The following ABR variants were observed in gnomAD, a reference collection of about 807,000 sequenced individuals.
The protein encoded by ABR is ABR activator of RhoGEF and GTPase, also known as active breakpoint cluster region-related protein.
Under a neutral mutation model 107.2 loss-of-function variants are expected in ABR, and 35 were observed. The observed-to-expected ratio is 0.33, with a 90% CI of 0.25 to 0.43. ABR has a LOEUF of 0.43. ABR is among the 20% of genes least tolerant of loss of function. ABR has a pLI of 1.00. For missense variants in ABR, 815 were observed against 1,115.2 expected, an observed-to-expected ratio of 0.73 and a Z score of 3.83; for synonymous variants, 498 against 462.0, an observed-to-expected ratio of 1.08 and a Z score of -1.00.
Position 1,067,222 on chromosome 17 carries a change from C to T in ABR, c.1037G>A (p.Cys346Tyr). The T allele has an allele frequency of 6.2e-7, 1 of 1,603,276 alleles. No individual in the cohort carries two copies. The highest frequency in any genetic ancestry group is 8.5e-7 in the Non-Finnish European group (1 of 1,175,060). The change falls in exon 10 of 23, where the codon TGT becomes TAT. Residue 346 changes from cysteine to tyrosine, a missense_variant. Cys to Tyr is a radical substitution (Grantham distance 194). Transcript: ENST00000302538. Reference protein sequence around the residue: ...TSAGKHQQYDCKWYIPLADLV... With the variant: ...TSAGKHQQYDYKWYIPLADLV... ...GTCGGCCAGGGGGATGTACCACTTA[C>T]AGTCATACTGCTGGTGCTTCCTGCA... is the stretch of plus-strand genomic sequence containing the variant.
rs760566282 is a variant in ABR, at chr17:1,125,407, C to T, written c.62-40G>A. The T allele has an allele frequency of 6.9e-6, 11 of 1,605,534 alleles. 2 individuals carry two copies. The South Asian group carries it at 1.2e-4, about 18-fold the overall frequency. On this transcript the variant is annotated intron_variant, in intron 1 of 22. Transcript: ENST00000302538. The stretch of plus-strand genomic sequence containing the variant: ...AAGAAAGGCCACTGAGAATCCTCCA[C>T]CAGAGCTGCCAGGGACTGGTAGCGT...
In ABR at chr17:1,051,891, T is replaced by C. The variant is rs1442070120; in HGVS notation, c.1562-1257A>G. Among the ~76,000 whole-genome samples, 1 of 151,968 alleles carries C rather than the reference T, an allele frequency of 6.6e-6. No individual in the cohort carries two copies. Among genetic ancestry groups the C allele is most frequent in the Non-Finnish European group, 1.5e-5 (1 of 67,998 alleles). On this transcript the variant is annotated intron_variant, in intron 14 of 22. Transcript: ENST00000302538. The surrounding 1 kb of genome is among the most constrained non-coding windows in gnomAD (Gnocchi z 4.3). ...GAGTTTGAGACCAGCCTGACCAACA[T>C]GGTGAAACCCCATCTCTACTAAAAA...
intron 1 of ABR, chr17:1,125,626 A>G (rs868434414): frequency 1.4e-5 from 5 of 360,822 alleles, no homozygotes; most frequent in Non-Finnish European, 2.0e-5. Flanking sequence ...GATGAAGAGC[A>G]TGTCAGCCGC....
intron 1 of ABR, among the ~76,000 whole-genome samples, chr17:1,130,158 T>A (rs115731958): frequency 6.6e-6 from 1 of 152,128 alleles, no homozygotes; most frequent in African/African-American, 2.4e-5. Context: ...TGGCAGGGAC[T>A]GGTACTCGCC....
chr17:1,212,687 T>C (rs976965397), intron 1 of ABR, among the ~76,000 whole-genome samples: 30 of 152,158 alleles, frequency 2.0e-4, no homozygotes, highest in African/African-American at 6.0e-4. Flanking sequence ...GTCGGGAGTT[T>C]GAGACCAGCC....
chr17:1,153,855 G>T (rs1055095614), intron 1 of ABR: 1 of 209,680 alleles, frequency 4.8e-6, no homozygotes, highest in Non-Finnish European at 9.8e-6. Context: ...CCTGTCACAC[G>T]CATCACATGG....
intron 16 of ABR, among the ~76,000 whole-genome samples, chr17:1,016,752 G>C (rs2071198312): frequency 6.6e-6 from 1 of 152,112 alleles, no homozygotes; most frequent in South Asian, 2.1e-4. Flanking sequence ...TCAGGCAGAT[G>C]GCTTTCTGGC....
chr17:1,200,701 C>T lies in ABR; in HGVS notation c.838+28092G>A, dbSNP rs1426600775. 6.6e-6 allele frequency among the ~76,000 whole-genome samples: 1 copy of T among 152,122 alleles called. No homozygotes were observed. Among genetic ancestry groups the T allele is most frequent in the African/African-American group, 2.4e-5 (1 of 41,422 alleles). On this transcript the variant is annotated intron_variant, in intron 1 of 22. Coordinates refer to the ABR transcript ENST00000574139. This position sits in a 1 kb window ranked among gnomAD's most constrained non-coding sequence, Gnocchi z 4.1. ...GTGGTGCAGACACAAAGATGGATCC[C>T]CAGGTGGAAACCCGGGCACGTCATC...
chr17:1,145,614 A>G (rs2040494945), intron 1 of ABR, among the ~76,000 whole-genome samples: 4 of 152,202 alleles, frequency 2.6e-5, no homozygotes, highest in Admixed American at 2.6e-4. Flanking sequence ...TAGGGTATTT[A>G]TGAAAAATTA....
intron 2 of ABR, among the ~76,000 whole-genome samples, chr17:1,109,262 C>T (rs1341642875): frequency 2.0e-5 from 3 of 151,890 alleles, no homozygotes; most frequent in Non-Finnish European, 4.4e-5. Flanking sequence ...CCTCGCGCGT[C>T]CTCGCCCGGC....
chr17:1,161,747 G>C (rs927136107), intron 1 of ABR, among the ~76,000 whole-genome samples: 3 of 151,936 alleles, frequency 2.0e-5, no homozygotes, highest in Non-Finnish European at 4.4e-5. Flanking sequence ...TAGAGACAGG[G>C]TTTCACCATG....
chr17:1,012,791 CT>C lies in ABR; in HGVS notation c.1857del (p.Val620TrpfsTer5). The C allele has an allele frequency of 6.3e-7, 1 of 1,581,858 alleles. No individual in the cohort carries two copies. Among genetic ancestry groups the C allele is most frequent in the Non-Finnish European group, 8.6e-7 (1 of 1,162,642 alleles). ...CTGGTGAATTTCATGGAAAATTCCA[CT>C]TTGATCTGGTTGGGGGGTGAGGCAG... ...HTDVIEMNGI[K>X]VEFSMKFTSR... On this transcript the variant is annotated frameshift_variant, in exon 18 of 23. Transcript: ENST00000302538. LOFTEE classifies it high-confidence loss of function.
intron 5 of ABR, 131 bp downstream of exon 5, chr17:1,083,389 A>G (rs893208831): frequency 2.1e-6 from 1 of 483,052 alleles, no homozygotes; most frequent in Non-Finnish European, 3.8e-6. Context: ...AAGAAAGCAA[A>G]TATCAGGCTA....
chr17:1,057,009 C>T lies in ABR; in HGVS notation c.1475G>A (p.Ser492Asn). The T allele has an allele frequency of 1.2e-6, 2 of 1,607,456 alleles. No homozygotes were observed. The highest frequency in any genetic ancestry group is 1.3e-5 in the African/African-American group (1 of 74,932). ...LRTVHNIPVT[S>N]NKDDDESPGL... Reference sequence around the variant, plus strand: ...GTTCCCGAGCTTACCGTCTTTATTGCTGGTGACAGGAATGTTGTGTACAGT... The same window carrying T: ...GTTCCCGAGCTTACCGTCTTTATTGTTGGTGACAGGAATGTTGTGTACAGT... The change falls in exon 13 of 23, where the codon AGC becomes AAC. Residue 492 changes from serine (S) to asparagine (N), a missense_variant. This residue lies in a region of ABR where 385 missense variants were observed against 596.9 expected (regional missense o/e 0.64). Transcript: ENST00000302538.
intron 2 of ABR, among the ~76,000 whole-genome samples, chr17:1,110,419 C>T (rs574015309): frequency 7.2e-5 from 11 of 152,336 alleles, no homozygotes; most frequent in African/African-American, 2.6e-4. Flanking sequence ...GAAACCACCA[C>T]TCACTCCAGC....
chr17:1,137,272 G>A (rs1268600735), intron 1 of ABR, among the ~76,000 whole-genome samples: 1 of 152,128 alleles, frequency 6.6e-6, no homozygotes, highest in Non-Finnish European at 1.5e-5. Flanking sequence ...TTGAACTCCT[G>A]ACCTCGTGAT....
rs1156837005 is a variant in ABR at position 1,063,559 on chromosome 17, T to C, written c.1182+3518A>G. ...GGGCTATGCATGTTCCTCTAGACACTGTTATGTGAACTGAGGGCTATGCAT... is the reference window on the plus strand; with the variant it reads ...GGGCTATGCATGTTCCTCTAGACACCGTTATGTGAACTGAGGGCTATGCAT... On this transcript the variant is annotated intron_variant, in intron 10 of 22. Coordinates refer to ENST00000302538, the MANE Select transcript of ABR (RefSeq NM_021962.5). 3.8e-5 allele frequency among the ~76,000 whole-genome samples: 3 copies of C among 78,410 alleles called. 1 individual carries two copies. The highest frequency in any genetic ancestry group is 1.4e-4 in the African/African-American group (3 of 22,208). The allele number at this position is 78,410 out of a possible 152,430, so 51.4% of individuals were successfully genotyped here. A position where few individuals can be genotyped will look rare whatever the true frequency, so the allele number is the denominator to read the frequency against.
intron 16 of ABR, among the ~76,000 whole-genome samples, chr17:1,014,256 A>G (rs2070931044): frequency 6.6e-6 from 1 of 151,706 alleles, no homozygotes; most frequent in African/African-American, 2.4e-5. Flanking sequence ...CCTGGCTAAC[A>G]CGGTGAAACC....
Position 1,179,880 on chromosome 17 carries a change from G to C in ABR, c.-153C>G. The C allele has an allele frequency of 1.4e-6, 1 of 733,156 alleles. No homozygotes were observed. Among genetic ancestry groups the C allele is most frequent in the Non-Finnish European group, 2.0e-6 (1 of 505,594 alleles). The allele number at this position is 733,156 out of a possible 1,614,324, so 45.4% of individuals were successfully genotyped here. A position where few individuals can be genotyped will look rare whatever the true frequency, so the allele number is the denominator to read the frequency against. Reference sequence around the variant, plus strand: ...CCCCGGGAGGAGCGCGGGGCGGCCGGGGCAGGGGCGAGGGCGGGGCGGGAG... The same window carrying C: ...CCCCGGGAGGAGCGCGGGGCGGCCGCGGCAGGGGCGAGGGCGGGGCGGGAG... On this transcript the variant is annotated 5_prime_UTR_variant, in exon 1 of 23. Coordinates refer to ENST00000302538, the MANE Select transcript of ABR (RefSeq NM_021962.5). This position sits in a 1 kb window ranked among gnomAD's most constrained non-coding sequence, Gnocchi z 4.9.
Sources: allele counts gnomAD v4.1 joint callset (sites outside exome capture counted in the v4.1 genomes callset), GRCh38; gene constraint gnomAD v4.1.1; regional missense constraint gnomAD v4.1.1; non-coding constraint Gnocchi (gnomAD v3.1); transcripts MANE v1.5; gene names NCBI Gene and HGNC (gene_info 2026-07-23, HGNC 2026-07-21).